PCDHA9: variants seen among roughly 807,000 people sequenced by gnomAD.
The protein encoded by PCDHA9 is protocadherin alpha 9.
PCDHA9 carries 62 observed loss-of-function variants against 62.0 expected under a neutral mutation model. The ratio of observed to expected loss-of-function variants is 1.00; its 90% confidence interval spans 0.81 to 1.23. PCDHA9 has a LOEUF of 1.23. Ranked by LOEUF, PCDHA9 falls within the 50% of genes most tolerant of loss-of-function variation. The pLI, the probability that PCDHA9 is intolerant of heterozygous loss-of-function variation, is 0.00. For missense variants in PCDHA9, 1,205 were observed against 1,249.8 expected, an observed-to-expected ratio of 0.96 and a Z score of 0.54; for synonymous variants, 557 against 567.6, an observed-to-expected ratio of 0.98 and a Z score of 0.27.
At chr5:140,871,315 C>A (rs908582761) in intron 1 of PCDHA9, 1 of 1,613,928 alleles carries the variant, frequency 6.2e-7, no homozygotes, top group African/African-American at 1.3e-5. Context: ...GAAGCCCACG[C>A]TGGTGTGCTC....
chr5:140,969,177 A>C, intron 1 of PCDHA9: 2 of 1,614,086 alleles, frequency 1.2e-6, no homozygotes, highest in Non-Finnish European at 1.7e-6. Flanking sequence ...TCAGGGAGTG[A>C]CACTTTCATG....
In PCDHA9 at chr5:140,928,114, A is replaced by C. The variant is rs200013855; in HGVS notation, c.2395-50835A>C. ...TGATGGGCCCCTGGACCGGGAGCAG[A>C]TCAGTGAATACCAAGTCCTGATCAC... On this transcript the variant is annotated intron_variant, in intron 1 of 3. Coordinates refer to ENST00000532602, the MANE Select transcript of PCDHA9 (RefSeq NM_031857.2). 280 of 1,614,088 alleles carry C rather than the reference A, an allele frequency of 1.7e-4. No individual in the cohort carries two copies. Among genetic ancestry groups the C allele is most frequent in the Middle Eastern group, 6.6e-4 (4 of 6,084 alleles).
intron 1 of PCDHA9, among the ~76,000 whole-genome samples, chr5:140,956,583 C>T (rs155799): frequency 0.28 from 42,736 of 152,052 alleles, 6,865 homozygotes; most frequent in East Asian, 0.53. Context: ...TGCATTGATG[C>T]TTATCAGGGA....
intron 1 of PCDHA9, chr5:140,878,049 A>G (rs1365340256): frequency 2.1e-6 from 1 of 479,780 alleles, no homozygotes; most frequent in African/African-American, 2.0e-5. Flanking sequence ...GCCATGGAGC[A>G]CCACACTTAA....
intron 1 of PCDHA9, chr5:140,862,299 T>C: frequency 3.7e-6 from 1 of 273,624 alleles, no homozygotes; most frequent in Non-Finnish European, 7.2e-6. Flanking sequence ...GACGCTCCAC[T>C]GGGTACCGTC....
At chr5:140,931,396 G>C (rs1554208395) in intron 1 of PCDHA9, among the ~76,000 whole-genome samples, 1 of 152,000 alleles carries the variant, frequency 6.6e-6, no homozygotes, top group Non-Finnish European at 1.5e-5. Flanking sequence ...ATAAGTAAGC[G>C]ATAGGAAGGC....
At chr5:140,852,398 C>T (rs150537989) in intron 1 of PCDHA9, 9,331 of 183,690 alleles carry the variant, frequency 0.051, 796 homozygotes, top group Middle Eastern at 0.071. Context: ...CTGCCTCAGC[C>T]TCCTGAGTAG....
At chr5:140,882,424 G>A in intron 1 of PCDHA9, 1 of 1,614,114 alleles carries the variant, frequency 6.2e-7, no homozygotes, top group Non-Finnish European at 8.5e-7. Context: ...CTCAGGACCT[G>A]GGGCTGGAGC....
chr5:140,874,676 G>A (rs1487161384), intron 1 of PCDHA9, among the ~76,000 whole-genome samples: 4 of 152,136 alleles, frequency 2.6e-5, no homozygotes, highest in African/African-American at 9.7e-5. Context: ...CTATTCCTGA[G>A]ATTTGTTTTA....
Position 140,850,698 on chromosome 5 carries a change from GGC to G in PCDHA9, c.2204_2205del (p.Gly735GlufsTer8). On this transcript the variant is annotated frameshift_variant, in exon 1 of 4. Transcript: ENST00000532602. LOFTEE classifies it high-confidence loss of function. ...GCCCACCGAGGGCGAGTGCGCGCCTGGCAAGCCGACGCTGGTGTGTTCTAGCG... is the reference window on the plus strand; with the variant it reads ...GCCCACCGAGGGCGAGTGCGCGCCTGAAGCCGACGCTGGTGTGTTCTAGCG... Reference protein sequence around the residue: ...AMPTEGECAPGKPTLVCSSAV... With the variant: ...AMPTEGECAPXKPTLVCSSAV... The G allele has an allele frequency of 6.3e-7, 1 of 1,598,220 alleles. No homozygotes were observed. Among genetic ancestry groups the G allele is most frequent in the Non-Finnish European group, 8.6e-7 (1 of 1,167,760 alleles).
At position 141,010,550 on chromosome 5, in the gene PCDHA9, ACCCC is replaced by A; in HGVS notation, c.*615_*618del. 6.3e-6 allele frequency: 2 copies of A among 316,712 alleles called. No homozygotes were observed. Among genetic ancestry groups the A allele is most frequent in the South Asian group, 1.1e-4 (2 of 17,516 alleles). The allele number at this position is 316,712 out of a possible 1,614,324, so 19.6% of individuals were successfully genotyped here. A position where few individuals can be genotyped will look rare whatever the true frequency, so the allele number is the denominator to read the frequency against. On this transcript the variant is annotated 3_prime_UTR_variant, in exon 4 of 4. Coordinates refer to ENST00000532602, the MANE Select transcript of PCDHA9 (RefSeq NM_031857.2). ...CAGCCACCCTCTAGGAGACAAAACT[ACCCC>A]CACTGACAAGGCTTTAGGAGACCCT...
In PCDHA9 at chr5:140,986,391, G is replaced by A. The variant is rs144915625; in HGVS notation, c.2542+3828G>A. Among the ~76,000 whole-genome samples, 1,153 of 152,256 alleles carry A rather than the reference G, an allele frequency of 7.6e-3. 6 individuals are homozygous for A. Among genetic ancestry groups the A allele is most frequent in the Middle Eastern group, 0.014 (4 of 294 alleles). ...GTTTTGGGGGGAGGGACATTAAAGG[G>A]CCAGTCGCTCATGTTACAGCTCTTT... On this transcript the variant is annotated intron_variant, in intron 3 of 3. Transcript: ENST00000532602.
Position 140,918,290 on chromosome 5 carries a change from C to A in PCDHA9, c.2395-60659C>A, listed in dbSNP as rs188994807. ...TTTATCAGATGTAGGAGCTTTTTGG[C>A]AGAGAATATAGGGTTTTCTAGGTAT... On this transcript the variant is annotated intron_variant, in intron 1 of 3. Transcript: ENST00000532602. Among the ~76,000 whole-genome samples the A allele has an allele frequency of 2.1e-3, 321 of 152,226 alleles. 1 individual carries two copies. Among genetic ancestry groups the A allele is most frequent in the African/African-American group, 7.5e-3 (313 of 41,534 alleles).
chr5:140,873,453 A>G (rs1454430298), intron 1 of PCDHA9, among the ~76,000 whole-genome samples: 2 of 152,180 alleles, frequency 1.3e-5, no homozygotes, highest in Non-Finnish European at 2.9e-5. Context: ...ACAAATTTGC[A>G]TTTTAGATAA....
intron 1 of PCDHA9, among the ~76,000 whole-genome samples, chr5:140,947,890 G>A (rs1233922642): frequency 1.3e-5 from 2 of 151,506 alleles, no homozygotes; most frequent in African/African-American, 4.8e-5. Context: ...AATATAAACA[G>A]AAGTGGTGAG....
intron 3 of PCDHA9, among the ~76,000 whole-genome samples, chr5:140,995,850 C>T (rs924455609): frequency 3.9e-5 from 6 of 152,080 alleles, no homozygotes; most frequent in African/African-American, 1.4e-4. Context: ...ACATTTCTAT[C>T]GTATCACTTA....
At chr5:140,864,765 T>C (rs1345308303) in intron 1 of PCDHA9, 1 of 152,222 alleles carries the variant, frequency 6.6e-6, no homozygotes, top group Non-Finnish European at 1.5e-5. Context: ...TTTCTTTCAT[T>C]TTTGGTACCT....
At chr5:140,879,910 T>C (rs2058174335) in intron 1 of PCDHA9, among the ~76,000 whole-genome samples, 1 of 152,194 alleles carries the variant, frequency 6.6e-6, no homozygotes, top group Non-Finnish European at 1.5e-5. Context: ...TCTCTATGTG[T>C]TGGTTTTACA....
chr5:140,875,803 G>C (rs370212231), intron 1 of PCDHA9: 17 of 1,614,218 alleles, frequency 1.1e-5, no homozygotes, highest in Non-Finnish European at 1.4e-5. Context: ...GGTGATCGTG[G>C]ACAGGCCGCT....
Sources: gnomAD v4.1 joint callset for allele counts (sites outside exome capture counted in the v4.1 genomes callset) on GRCh38, gnomAD v4.1.1 for gene constraint, MANE v1.5 for transcripts, NCBI Gene and HGNC (gene_info 2026-07-23, HGNC 2026-07-21) for gene names.